The following ASH1L variants were observed in gnomAD, a reference collection of about 807,000 sequenced individuals.
The protein encoded by ASH1L is histone-lysine N-methyltransferase ASH1L.
A neutral mutation model predicts 269.0 loss-of-function variants in ASH1L; 23 were observed. The observed-to-expected ratio is 0.09, with a 90% CI of 0.06 to 0.12. The LOEUF is 0.12. Among genes scored for constraint, ASH1L ranks in the 10% least tolerant of loss-of-function variants. The pLI, the probability that ASH1L is intolerant of heterozygous loss-of-function variation, is 1.00. For missense variants in ASH1L, 2,912 were observed against 3,567.8 expected (o/e 0.82, Z 4.68); for synonymous variants, 1,187 against 1,253.5 (o/e 0.95, Z 1.12).
intron 2 of ASH1L, among the ~76,000 whole-genome samples, chr1:155,501,652 C>G (rs1667508714): frequency 6.6e-6 from 1 of 152,114 alleles, no homozygotes; most frequent in Non-Finnish European, 1.5e-5. Flanking sequence ...AAATAGCAAT[C>G]TACAGATTGT....
Position 155,373,222 on chromosome 1 carries a change from C to CA in ASH1L, c.6333-2240dup, listed in dbSNP as rs112837083. Among the ~76,000 whole-genome samples, 444 of 136,728 alleles carry CA rather than the reference C, an allele frequency of 3.2e-3. 1 individual carries two copies. Among genetic ancestry groups the CA allele is most frequent in the African/African-American group, 6.6e-3 (250 of 37,796 alleles). The allele number at this position is 136,728 out of a possible 152,430, so 89.7% of individuals were successfully genotyped here. On this transcript the variant is annotated intron_variant, in intron 10 of 27. Transcript: ENST00000392403. ...AGTGAGGCTCTGTCTAAAAAAAAAA[C>CA]AAAAAAAAAACAAAAAAAAACTGAA...
chr1:155,341,581 C>G (rs1220791816), intron 25 of ASH1L, among the ~76,000 whole-genome samples: 44 of 152,026 alleles, frequency 2.9e-4, no homozygotes, highest in Admixed American at 2.9e-3. Flanking sequence ...GGTGTGTTCT[C>G]AATGAGAGAG....
At chr1:155,410,486 CAG>C (rs943594415) in intron 6 of ASH1L, among the ~76,000 whole-genome samples, 1 of 151,872 alleles carries the variant, frequency 6.6e-6, no homozygotes, top group African/African-American at 2.4e-5. Flanking sequence ...GTATTTTTAG[CAG>C]AGACAGGGTT....
At chr1:155,556,054 CTT>C (rs909175487) in intron 1 of ASH1L, among the ~76,000 whole-genome samples, 18 of 152,248 alleles carry the variant, frequency 1.2e-4, no homozygotes, top group African/African-American at 4.3e-4. Context: ...ATACTATTCT[CTT>C]TATTTCTATA....
chr1:155,493,415 CAT>C (rs1306626270), intron 2 of ASH1L, among the ~76,000 whole-genome samples: 1 of 152,178 alleles, frequency 6.6e-6, no homozygotes, highest in African/African-American at 2.4e-5. Context: ...AAATCCTAAA[CAT>C]GTGCTGTTAA....
chr1:155,480,625 A>T lies in ASH1L; in HGVS notation c.2245T>A (p.Ser749Thr). ...SELFKNVSCS[S>T]LSNSNSEPAK... ...GGCTCAGAATTACTATTTGATAGTGAGCTACATGAAACGTTTTTAAAAAGC... is the reference window on the plus strand; with the variant it reads ...GGCTCAGAATTACTATTTGATAGTGTGCTACATGAAACGTTTTTAAAAAGC... The change falls in exon 3 of 28, where the codon TCA becomes ACA. Residue 749 changes from serine (S) to threonine (T), a missense_variant. By Grantham distance (58) the Ser-to-Thr change is moderately conservative. This residue lies in a region of ASH1L where 715 missense variants were observed against 721.0 expected (regional missense o/e 0.99). Coordinates refer to ENST00000392403, the MANE Select transcript of ASH1L (RefSeq NM_018489.3). 6.2e-7 allele frequency: 1 copy of T among 1,614,138 alleles called. No individual in the cohort carries two copies. The highest frequency in any genetic ancestry group is 8.5e-7 in the Non-Finnish European group (1 of 1,180,002).
At position 155,408,591 on chromosome 1, in the gene ASH1L, G is replaced by A. The variant is rs1659505059; in HGVS notation, c.6008+7153C>T. 2.0e-5 allele frequency among the ~76,000 whole-genome samples: 3 copies of A among 152,136 alleles called. No individual in the cohort carries two copies. The South Asian group carries it at 6.2e-4, about 31-fold the overall frequency. On this transcript the variant is annotated intron_variant, in intron 6 of 27. Coordinates refer to ENST00000392403, the MANE Select transcript of ASH1L (RefSeq NM_018489.3). ...TAAATCCTCACTACTCCGAACAGCAGAAAGCAGGGAAGTGCTCAAAGATAA... is the reference window on the plus strand; with the variant it reads ...TAAATCCTCACTACTCCGAACAGCAAAAAGCAGGGAAGTGCTCAAAGATAA...
chr1:155,550,295 G>A (rs1297663686), intron 1 of ASH1L, among the ~76,000 whole-genome samples: 1 of 152,108 alleles, frequency 6.6e-6, no homozygotes, highest in African/African-American at 2.4e-5. Context: ...TGGGATTAGA[G>A]GTGTGAACCA....
intron 5 of ASH1L, among the ~76,000 whole-genome samples, chr1:155,424,471 G>A (rs1660973459): frequency 6.6e-6 from 1 of 151,604 alleles, no homozygotes. Flanking sequence ...GAGATGGTGC[G>A]ATCTCGGCTC....
At chr1:155,526,093 G>C (rs952143771) in intron 1 of ASH1L, among the ~76,000 whole-genome samples, 5 of 152,128 alleles carry the variant, frequency 3.3e-5, no homozygotes, top group Admixed American at 2.0e-4. Context: ...AGATAGGGAA[G>C]GCCAACTGTA....
At chr1:155,344,139 G>A in intron 22 of ASH1L, 44 bp downstream of exon 22, 1 of 1,551,552 alleles carries the variant, frequency 6.4e-7, no homozygotes, top group Non-Finnish European at 8.9e-7. Context: ...CTACTATTCA[G>A]AAAGGTCACC....
intron 2 of ASH1L, among the ~76,000 whole-genome samples, chr1:155,520,840 C>A (rs1377814369): frequency 1.3e-5 from 2 of 152,084 alleles, no homozygotes; most frequent in East Asian, 1.9e-4. Context: ...CCAGCCTGGG[C>A]AACAAGAGCA....
At chr1:155,535,371 G>A (rs1057247017) in intron 1 of ASH1L, among the ~76,000 whole-genome samples, 2 of 152,084 alleles carry the variant, frequency 1.3e-5, no homozygotes, top group African/African-American at 4.8e-5. Context: ...CTAACAGGGG[G>A]CAAGCCACCA....
chr1:155,484,958 AAAAC>A (rs1455224656), intron 2 of ASH1L, among the ~76,000 whole-genome samples: 60 of 140,152 alleles, frequency 4.3e-4, no homozygotes, highest in African/African-American at 1.5e-3. Flanking sequence ...AACAAAAACA[AAAAC>A]AAAAACCAAC....
At chr1:155,428,420 C>T (rs757247370) in intron 5 of ASH1L, among the ~76,000 whole-genome samples, 4 of 146,674 alleles carry the variant, frequency 2.7e-5, no homozygotes, top group Non-Finnish European at 4.5e-5. Flanking sequence ...CTAGCTTAGG[C>T]GACAACAATG....
At chr1:155,430,205 G>A (rs1661497858) in intron 5 of ASH1L, among the ~76,000 whole-genome samples, 2 of 151,758 alleles carry the variant, frequency 1.3e-5, no homozygotes, top group Non-Finnish European at 2.9e-5. Flanking sequence ...TCAACCCCTG[G>A]GCTCCAGCAA....
At chr1:155,546,126 C>T (rs540517043) in intron 1 of ASH1L, among the ~76,000 whole-genome samples, 131 of 147,886 alleles carry the variant, frequency 8.9e-4, no homozygotes, top group African/African-American at 3.1e-3. Flanking sequence ...CCACTGCACG[C>T]CAGCTTGGGC....
At chr1:155,385,960 A>T (rs554050002) in intron 7 of ASH1L, among the ~76,000 whole-genome samples, 1 of 152,246 alleles carries the variant, frequency 6.6e-6, no homozygotes, top group Admixed American at 6.6e-5. Flanking sequence ...TGTTGGTAAA[A>T]GTCTGACTCG....
chr1:155,337,644 T>A lies in ASH1L; in HGVS notation c.*16A>T. The A allele has an allele frequency of 2.5e-6, 4 of 1,609,098 alleles. No homozygotes were observed. The highest frequency in any genetic ancestry group is 3.4e-6 in the Non-Finnish European group (4 of 1,175,604). On this transcript the variant is annotated 3_prime_UTR_variant, in exon 28 of 28. Transcript: ENST00000392403. Reference sequence around the variant, plus strand: ...CCACTGGATCCCAGATGCTTGAGGTTCTCATTCTTTGAGGGTCACTTTCGA... The same window carrying A: ...CCACTGGATCCCAGATGCTTGAGGTACTCATTCTTTGAGGGTCACTTTCGA...
Sources: gnomAD v4.1 joint callset for allele counts (sites outside exome capture counted in the v4.1 genomes callset) on GRCh38, gnomAD v4.1.1 for gene constraint, gnomAD v4.1.1 regional missense constraint, MANE v1.5 for transcripts, NCBI Gene and HGNC (gene_info 2026-07-23, HGNC 2026-07-21) for gene names.